Variants in IGF2BP3 observed in about 807,000 individuals in gnomAD.
The protein encoded by IGF2BP3 is insulin like growth factor 2 mRNA binding protein 3.
A neutral mutation model predicts 73.8 loss-of-function variants in IGF2BP3; 9 were observed. That is an observed-to-expected ratio of 0.12 (90% confidence interval 0.07 to 0.21). The LOEUF is 0.21. Ranked by LOEUF, IGF2BP3 falls within the 10% of genes least tolerant of loss-of-function variation. The pLI is 1.00. For synonymous variants in IGF2BP3, 258 were observed against 256.7 expected (o/e 1.01, Z -0.05); for missense variants, 542 against 714.0 (o/e 0.76, Z 2.75).
At chr7:23,446,943 C>T (rs1263052039) in intron 2 of IGF2BP3, among the ~76,000 whole-genome samples, 3 of 152,104 alleles carry the variant, frequency 2.0e-5, no homozygotes, top group African/African-American at 7.2e-5. Flanking sequence ...TGGCTCATGC[C>T]TGTAATCCTA....
At chr7:23,443,732 G>C (rs974631123) in intron 2 of IGF2BP3, among the ~76,000 whole-genome samples, 2 of 152,030 alleles carry the variant, frequency 1.3e-5, no homozygotes, top group Admixed American at 1.3e-4. Context: ...TTTCTGGGCT[G>C]GGCACAGTGG....
chr7:23,329,468 C>G (rs898400928), intron 10 of IGF2BP3, among the ~76,000 whole-genome samples: 2 of 152,126 alleles, frequency 1.3e-5, no homozygotes, highest in African/African-American at 4.8e-5. Context: ...GCAACACGTT[C>G]TTAGAAGTAG....
At chr7:23,361,886 T>G (rs1168460272) in intron 3 of IGF2BP3, 145 bp from the exon 4 acceptor site, 4 of 635,204 alleles carry the variant, frequency 6.3e-6, no homozygotes, top group Non-Finnish European at 8.2e-6. Flanking sequence ...AACTAAGGGA[T>G]GGATACCACA....
chr7:23,312,151 G>GTTTT lies in IGF2BP3; in HGVS notation c.*207_*210dup. ...CCTTTTTTTGTTTGTTTGTTTGTTT[G>GTTTT]TTTTAAAGCTGGGTGTCATACATTT... On this transcript the variant is annotated 3_prime_UTR_variant, in exon 15 of 15. Transcript: ENST00000258729. The GTTTT allele has an allele frequency of 8.6e-6, 2 of 231,698 alleles. No homozygotes were observed. Among genetic ancestry groups the GTTTT allele is most frequent in the East Asian group, 9.5e-5 (1 of 10,538 alleles). 14.4% of individuals were successfully genotyped at this position (231,698 alleles called of 1,614,324 possible). A position where few individuals can be genotyped will look rare whatever the true frequency, so the allele number is the denominator to read the frequency against.
chr7:23,346,011 A>G lies in IGF2BP3; in HGVS notation c.870T>C (p.Arg290=). ...GATTTCTTCCTTCTTTACCAATAAG[A>G]CGTCCAACAAAGTTATTATGAGCTA... ...KILAHNNFVG[R]LIGKEGRNLK... The change falls in exon 8 of 15, where the codon CGT becomes CGC. Residue 290 remains arginine, a synonymous_variant. Coordinates refer to ENST00000258729, the MANE Select transcript of IGF2BP3 (RefSeq NM_006547.3). 6.2e-7 allele frequency: 1 copy of G among 1,613,772 alleles called. No individual in the cohort carries two copies. The highest frequency in any genetic ancestry group is 1.3e-5 in the African/African-American group (1 of 75,050).
At chr7:23,452,206 G>A (rs779660397) in intron 2 of IGF2BP3, among the ~76,000 whole-genome samples, 20 of 151,806 alleles carry the variant, frequency 1.3e-4, no homozygotes, top group Non-Finnish European at 2.2e-4. Flanking sequence ...GGGTTTCACC[G>A]TGTTAGCCAG....
intron 3 of IGF2BP3, among the ~76,000 whole-genome samples, chr7:23,374,185 G>A (rs991525227): frequency 1.3e-5 from 2 of 152,168 alleles, no homozygotes; most frequent in Non-Finnish European, 2.9e-5. Flanking sequence ...GTTCATGGGA[G>A]CATTATTCAA....
In IGF2BP3 at chr7:23,418,778, C is replaced by A; in HGVS notation, c.283G>T (p.Glu95Ter). 1 of 1,572,268 alleles carries A rather than the reference C, an allele frequency of 6.4e-7. No homozygotes were observed. Among genetic ancestry groups the A allele is most frequent in the South Asian group, 1.1e-5 (1 of 87,022 alleles). Reference sequence around the variant, plus strand: ...ATTTTAAATACAGAAATTCTTACCTCCCACTGTAAATGAGGCGGGATATTT... The same window carrying A: ...ATTTTAAATACAGAAATTCTTACCTACCACTGTAAATGAGGCGGGATATTT... ...IRNIPPHLQW[E>*]VLDSLLVQYG... Residue 95 changes from glutamate (E) to a stop codon, truncating the protein, a stop_gained and splice_region_variant, in exon 3 of 15, where the codon GAG becomes TAG. Transcript: ENST00000258729. LOFTEE classifies it high-confidence loss of function.
chr7:23,424,055 T>C (rs1451545784), intron 2 of IGF2BP3, among the ~76,000 whole-genome samples: 2 of 151,732 alleles, frequency 1.3e-5, no homozygotes, highest in Non-Finnish European at 2.9e-5. Flanking sequence ...GAGACGGAGG[T>C]TGCAGTTAGC....
intron 2 of IGF2BP3, among the ~76,000 whole-genome samples, chr7:23,443,436 A>G (rs944869263): frequency 6.6e-6 from 1 of 151,970 alleles, no homozygotes; most frequent in African/African-American, 2.4e-5. Context: ...ATTTTTGTAT[A>G]TTTTAGTAGA....
chr7:23,421,762 C>A (rs1405771741), intron 2 of IGF2BP3, among the ~76,000 whole-genome samples: 2 of 151,104 alleles, frequency 1.3e-5, no homozygotes, highest in Non-Finnish European at 2.9e-5. Context: ...TACATATATG[C>A]AAGTACTAAT....
In IGF2BP3 at chr7:23,391,394, C is replaced by T. The variant is rs868520233; in HGVS notation, c.285+27382G>A. On this transcript the variant is annotated intron_variant, in intron 3 of 14. Coordinates refer to ENST00000258729, the MANE Select transcript of IGF2BP3 (RefSeq NM_006547.3). ...GGATTACAGGTGTGAGCCACCGTGC[C>T]CGGCCTTGTCATTGCCTTTTAAAAT... is the stretch of plus-strand genomic sequence containing the variant. 5.5e-4 allele frequency among the ~76,000 whole-genome samples: 83 copies of T among 152,266 alleles called. 1 individual carries two copies. The highest frequency in any genetic ancestry group is 1.7e-3 in the African/African-American group (69 of 41,552).
chr7:23,454,513 T>C (rs1788271307), intron 2 of IGF2BP3, among the ~76,000 whole-genome samples: 3 of 152,202 alleles, frequency 2.0e-5, no homozygotes, highest in African/African-American at 2.4e-5. Context: ...AGTGAGACAA[T>C]ATCACTTTAG....
At chr7:23,336,972 A>G (rs969366192) in intron 10 of IGF2BP3, among the ~76,000 whole-genome samples, 18 of 152,184 alleles carry the variant, frequency 1.2e-4, no homozygotes, top group African/African-American at 4.1e-4. Flanking sequence ...AAAAGAAGCA[A>G]TGATAAGCAA....
intron 10 of IGF2BP3, among the ~76,000 whole-genome samples, chr7:23,326,963 T>G (rs1279333857): frequency 6.7e-6 from 1 of 149,042 alleles, no homozygotes; most frequent in East Asian, 2.0e-4. Flanking sequence ...ATATACCTAA[T>G]GCTAGATGAC....
rs1369687627 is a variant in IGF2BP3, at chr7:23,421,466, G to C, written c.237-2642C>G. Among the ~76,000 whole-genome samples the C allele has an allele frequency of 2.0e-5, 3 of 151,974 alleles. No individual in the cohort carries two copies. The East Asian group carries it at 5.9e-4, about 30-fold the overall frequency. On this transcript the variant is annotated intron_variant, in intron 2 of 14. Coordinates refer to ENST00000258729, the MANE Select transcript of IGF2BP3 (RefSeq NM_006547.3). ...CCGGCACTTTGGGAGGCTGAGGTGGGCGGATCACCTGAGGTCAGAAGTTCG... is the reference window on the plus strand; with the variant it reads ...CCGGCACTTTGGGAGGCTGAGGTGGCCGGATCACCTGAGGTCAGAAGTTCG...
At chr7:23,321,265 G>T (rs183606614) in intron 10 of IGF2BP3, among the ~76,000 whole-genome samples, 7 of 149,930 alleles carry the variant, frequency 4.7e-5, no homozygotes, top group Admixed American at 2.6e-4. Context: ...CTCGGGAAGC[G>T]CAAGGGGTCA....
intron 10 of IGF2BP3, among the ~76,000 whole-genome samples, chr7:23,321,651 C>G (rs966740785): frequency 9.2e-5 from 14 of 152,340 alleles, no homozygotes; most frequent in East Asian, 1.9e-4. Context: ...CAGCAGTAAC[C>G]TCTGCAGACT....
At chr7:23,322,881 T>C (rs1218401297) in intron 10 of IGF2BP3, among the ~76,000 whole-genome samples, 1 of 152,176 alleles carries the variant, frequency 6.6e-6, no homozygotes, top group Non-Finnish European at 1.5e-5. Flanking sequence ...CGAGAGATTT[T>C]GTCACCACCA....
Sources: gnomAD v4.1 joint callset for allele counts (sites outside exome capture counted in the v4.1 genomes callset) on GRCh38, gnomAD v4.1.1 for gene constraint, MANE v1.5 for transcripts, NCBI Gene and HGNC (gene_info 2026-07-23, HGNC 2026-07-21) for gene names.